STEAP1B: variants seen among roughly 807,000 people sequenced by gnomAD.
STEAP1B encodes the protein STEAP family member 1B.
Under a neutral mutation model 27.9 loss-of-function variants are expected in STEAP1B, and 13 were observed. The observed-to-expected ratio is 0.47, with a 90% confidence interval of 0.30 to 0.74. The LOEUF is 0.74. Among genes scored for constraint, STEAP1B ranks in the 30% least tolerant of loss-of-function variants. The pLI is 0.06. For synonymous variants in STEAP1B, 86 were observed against 107.1 expected (o/e 0.80, Z 1.22); for missense variants, 250 against 298.7 (o/e 0.84, Z 1.20).
intron 4 of STEAP1B, among the ~76,000 whole-genome samples, chr7:22,432,513 T>C (rs929402870): frequency 6.6e-6 from 1 of 151,952 alleles, no homozygotes; most frequent in African/African-American, 2.4e-5. Flanking sequence ...GAGGCAGAGG[T>C]TGCAGCCAGC....
chr7:22,456,966 ATATATATTT>A (rs1458304979), intron 4 of STEAP1B, among the ~76,000 whole-genome samples: 1 of 36,820 alleles, frequency 2.7e-5, no homozygotes, highest in Non-Finnish European at 5.8e-5. Flanking sequence ...ATATATATAT[ATATATATTT>A]TTTTTTTTTT....
At chr7:22,445,400 G>A (rs1271458627) in intron 4 of STEAP1B, among the ~76,000 whole-genome samples, 1 of 152,232 alleles carries the variant, frequency 6.6e-6, no homozygotes, top group Admixed American at 6.5e-5. Flanking sequence ...TGCCCCTTTG[G>A]GCCTCCCATC....
intron 4 of STEAP1B, among the ~76,000 whole-genome samples, chr7:22,484,558 C>T (rs10236362): frequency 2.6e-5 from 4 of 151,698 alleles, no homozygotes; most frequent in Admixed American, 2.6e-4. Flanking sequence ...TGCAAGGAGA[C>T]GAATGTTTTG....
In STEAP1B at chr7:22,463,096, C is replaced by T. The variant is rs542005723; in HGVS notation, c.762+29469G>A. Among the ~76,000 whole-genome samples, 9 of 152,266 alleles carry T rather than the reference C, an allele frequency of 5.9e-5. 1 individual carries two copies. The South Asian group carries it at 1.4e-3, about 25-fold the overall frequency. ...ATGGGGTTGTTTGTTTGATAAGCAA[C>T]TTCAGCAAAGTCTCAGGATACAAAA... On this transcript the variant is annotated intron_variant, in intron 4 of 4. Transcript: ENST00000678116.
intron 4 of STEAP1B, among the ~76,000 whole-genome samples, chr7:22,451,438 T>C (rs1404813713): frequency 6.6e-6 from 1 of 152,196 alleles, no homozygotes; most frequent in Non-Finnish European, 1.5e-5. Context: ...CAGTATGACG[T>C]TGAATAACAG....
rs116447394 is a variant in STEAP1B at position 22,483,449 on chromosome 7, C to T, written c.762+9116G>A. ...CCTTTCTGTCCCCAACACAGGCATT[C>T]CTCGTTTTCTGCTACAAGTATTGCA... On this transcript the variant is annotated intron_variant, in intron 4 of 4. Transcript: ENST00000678116. Among the ~76,000 whole-genome samples, 650 of 152,286 alleles carry T rather than the reference C, an allele frequency of 4.3e-3. 1 individual carries two copies. Among genetic ancestry groups the T allele is most frequent in the African/African-American group, 0.015 (626 of 41,558 alleles).
At chr7:22,467,269 GA>G (rs1420035048) in intron 4 of STEAP1B, among the ~76,000 whole-genome samples, 1 of 152,106 alleles carries the variant, frequency 6.6e-6, no homozygotes, top group African/African-American at 2.4e-5. Flanking sequence ...TCTGCAGGGG[GA>G]AAAGATATCA....
chr7:22,497,334 A>G (rs1786459296), intron 1 of STEAP1B, among the ~76,000 whole-genome samples: 1 of 152,262 alleles, frequency 6.6e-6, no homozygotes, highest in Non-Finnish European at 1.5e-5. Flanking sequence ...TTTTCATTAG[A>G]AAAGAAGAAA....
chr7:22,473,421 G>C (rs903224853), intron 4 of STEAP1B, among the ~76,000 whole-genome samples: 3 of 152,226 alleles, frequency 2.0e-5, no homozygotes, highest in South Asian at 2.1e-4. Context: ...GTGAGTCTGA[G>C]AAAGCACACA....
chr7:22,485,003 T>G (rs1449682037), intron 4 of STEAP1B, among the ~76,000 whole-genome samples: 1 of 152,222 alleles, frequency 6.6e-6, no homozygotes, highest in Non-Finnish European at 1.5e-5. Context: ...GGAGTTGCTT[T>G]TCATAGATGA....
chr7:22,461,211 A>C (rs1342652934), intron 4 of STEAP1B, among the ~76,000 whole-genome samples: 1 of 152,114 alleles, frequency 6.6e-6, no homozygotes, highest in East Asian at 1.9e-4. Context: ...ATGAGGTTTC[A>C]AGGTGGCAGT....
chr7:22,492,838 G>A (rs1583355971), intron 3 of STEAP1B, 109 bp from the exon 4 acceptor site: 1 of 1,416,132 alleles, frequency 7.1e-7, no homozygotes, highest in South Asian at 1.9e-5. Flanking sequence ...CTGATAACAG[G>A]TCTCCACAAA....
rs780631883 is a variant in STEAP1B at position 22,493,826 on chromosome 7, G to A, written c.95C>T (p.Thr32Met). ...LEDNDYLHED[T>M]GETSMLKRPV... ...TCTTTTTAGCATGCTGGTCTCTCCC[G>A]TGTCCTCATGCTACAAAGGAAAGAA... is the stretch of plus-strand genomic sequence containing the variant. Residue 32 changes from threonine (T) to methionine (M), a missense_variant, in exon 3 of 5, where the codon ACG becomes ATG. Thr to Met is a moderately conservative substitution (Grantham distance 81). Coordinates refer to ENST00000678116, the MANE Select transcript of STEAP1B (RefSeq NM_001382447.1). The A allele has an allele frequency of 1.3e-5, 21 of 1,600,602 alleles. No homozygotes were observed. The highest frequency in any genetic ancestry group is 4.1e-5 in the African/African-American group (3 of 73,526).
chr7:22,448,350 A>G (rs1384999507), intron 4 of STEAP1B, among the ~76,000 whole-genome samples: 2 of 152,214 alleles, frequency 1.3e-5, no homozygotes, highest in African/African-American at 2.4e-5. Flanking sequence ...GAAATGATAT[A>G]TTTATCATCT....
At chr7:22,419,941 A>G (rs17146851) in intron 4 of STEAP1B, 105 bp from the exon 5 acceptor site, 59,539 of 1,348,952 alleles carry the variant, frequency 0.044, 2,066 homozygotes, top group East Asian at 0.19. Flanking sequence ...TTGCAAGTAT[A>G]CACGCTTTTC....
chr7:22,476,007 T>G (rs374215473), intron 4 of STEAP1B, among the ~76,000 whole-genome samples: 1 of 152,184 alleles, frequency 6.6e-6, no homozygotes, highest in African/African-American at 2.4e-5. Context: ...CTTGAACTAT[T>G]TGGCCTCTTG....
chr7:22,451,206 A>G (rs754932272), intron 4 of STEAP1B, among the ~76,000 whole-genome samples: 1 of 151,862 alleles, frequency 6.6e-6, no homozygotes, highest in Non-Finnish European at 1.5e-5. Flanking sequence ...AAAAAAAAAG[A>G]AAAGAAAATT....
intron 4 of STEAP1B, among the ~76,000 whole-genome samples, chr7:22,483,820 G>A (rs755339582): frequency 3.3e-5 from 5 of 152,322 alleles, no homozygotes; most frequent in African/African-American, 7.2e-5. Flanking sequence ...CGGTGGAGCA[G>A]TCAGAACAAA....
chr7:22,475,333 A>G (rs1785952782), intron 4 of STEAP1B, among the ~76,000 whole-genome samples: 2 of 152,186 alleles, frequency 1.3e-5, no homozygotes, highest in Non-Finnish European at 2.9e-5. Flanking sequence ...GCACTAGGCA[A>G]TGCCGTGTCC....
Sources: allele counts gnomAD v4.1 joint callset (sites outside exome capture counted in the v4.1 genomes callset), GRCh38; gene constraint gnomAD v4.1.1; transcripts MANE v1.5; gene names NCBI Gene and HGNC (gene_info 2026-07-23, HGNC 2026-07-21).